Variants in LAMA1 observed in about 807,000 individuals in gnomAD.
LAMA1 encodes laminin subunit alpha 1, also known as laminin subunit alpha-1.
LAMA1 carries 219 observed loss-of-function variants against 348.7 expected under a neutral mutation model. The ratio of observed to expected loss-of-function variants is 0.63; its 90% CI spans 0.56 to 0.70. LAMA1 has a LOEUF of 0.70. Ranked by LOEUF, LAMA1 falls within the 30% of genes least tolerant of loss-of-function variation. The pLI is 0.00. For missense variants in LAMA1, 3,744 were observed against 3,888.0 expected (o/e 0.96, Z 0.99); for synonymous variants, 1,487 against 1,491.0 (o/e 1.00, Z 0.06).
chr18:7,053,307 C>T (rs1321116509), intron 3 of LAMA1, among the ~76,000 whole-genome samples: 7 of 152,084 alleles, frequency 4.6e-5, no homozygotes, highest in Non-Finnish European at 8.8e-5. Context: ...ATGTACAACA[C>T]CAAGAGGGAA....
chr18:7,034,819 T>C (rs1039395764), intron 13 of LAMA1, 129 bp from the exon 14 acceptor site: 1 of 747,300 alleles, frequency 1.3e-6, no homozygotes, highest in Non-Finnish European at 2.2e-6. Flanking sequence ...AAACGTGTAA[T>C]GGTGTGTACA....
At chr18:6,945,503 C>T (rs933666227) in intron 61 of LAMA1, among the ~76,000 whole-genome samples, 23 of 152,260 alleles carry the variant, frequency 1.5e-4, no homozygotes, top group African/African-American at 5.5e-4. Flanking sequence ...TTTTCCTTGC[C>T]TTCCAAGAGG....
At chr18:6,983,277 C>CA (rs1238645235) in intron 39 of LAMA1, 43 bp from the exon 40 acceptor site, 1 of 1,609,496 alleles carries the variant, frequency 6.2e-7, no homozygotes, top group South Asian at 1.1e-5. Flanking sequence ...TAAACTAAAT[C>CA]AAACTTGCCA....
Position 6,950,944 on chromosome 18 carries a change from C to T in LAMA1, c.8235G>A (p.Thr2745=), listed in dbSNP as rs139987349. Residue 2745 remains threonine (T), a synonymous_variant, in exon 58 of 63, where the codon ACG becomes ACA. Coordinates refer to ENST00000389658, the MANE Select transcript of LAMA1 (RefSeq NM_005559.4). ...AGTAAATCAGGCCGCTGGAGGCGAA[C>T]GTGCGGATGCTTAGCTCAACCGAGA... ...KKLSVELSIR[T]FASSGLIYYM... is the part of the protein sequence containing the mutation. 61 of 1,613,912 alleles carry T rather than the reference C, an allele frequency of 3.8e-5. No individual in the cohort carries two copies. The highest frequency in any genetic ancestry group is 3.6e-4 in the African/African-American group (27 of 74,938).
intron 7 of LAMA1, 145 bp downstream of exon 7, chr18:7,044,577 T>G (rs774303109): frequency 3.1e-5 from 24 of 765,866 alleles, no homozygotes; most frequent in Non-Finnish European, 5.2e-5. Flanking sequence ...TAGTTAAAAT[T>G]TTAAGGTCAT....
At position 6,947,266 on chromosome 18, in the gene LAMA1, A is replaced by T. The variant is rs2143967303; in HGVS notation, c.8741T>A (p.Val2914Glu). 6.2e-7 allele frequency: 1 copy of T among 1,614,014 alleles called. No homozygotes were observed. Among genetic ancestry groups the T allele is most frequent in the Non-Finnish European group, 8.5e-7 (1 of 1,180,030 alleles). Residue 2914 changes from valine to glutamate, a missense_variant, in exon 61 of 63, where the codon GTG (valine) becomes GAG (glutamate). By Grantham distance (121) the Val-to-Glu change is moderately radical (BLOSUM62 -2). Around this residue, in one of 3 missense-constraint regions of LAMA1, gnomAD observed 232 missense variants for 264.4 expected, o/e 0.88. Coordinates refer to ENST00000389658, the MANE Select transcript of LAMA1 (RefSeq NM_005559.4). ...GGTTCGAAACTCCAGTGTGATGTTCACATCTGACTGGACTTTGTAGCCCTC... is the reference window on the plus strand; with the variant it reads ...GGTTCGAAACTCCAGTGTGATGTTCTCATCTGACTGGACTTTGTAGCCCTC... ...VKEGYKVQSD[V>E]NITLEFRTSS... is the part of the protein sequence containing the mutation.
intron 1 of LAMA1, among the ~76,000 whole-genome samples, chr18:7,106,351 AC>A (rs1327671254): frequency 5.4e-5 from 8 of 148,540 alleles, no homozygotes; most frequent in South Asian, 4.2e-4. Flanking sequence ...CAGTGGAATC[AC>A]CTGGGAAGCA....
intron 3 of LAMA1, among the ~76,000 whole-genome samples, chr18:7,067,887 CTT>C (rs1270491913): frequency 2.7e-5 from 4 of 150,360 alleles, no homozygotes; most frequent in East Asian, 2.0e-4. Context: ...GCGTTTTGCT[CTT>C]GTTGCCCCGG....
intron 5 of LAMA1, among the ~76,000 whole-genome samples, chr18:7,048,666 C>T (rs568863886): frequency 2.6e-5 from 4 of 152,258 alleles, no homozygotes; most frequent in African/African-American, 7.2e-5. Context: ...AAAATTTTTG[C>T]GACACCAGTC....
At position 6,986,287 on chromosome 18, in the gene LAMA1, C is replaced by T. The variant is rs1400177160; in HGVS notation, c.5229G>A (p.Leu1743=). The change falls in exon 37 of 63, where the codon TTG becomes TTA. Residue 1743 remains leucine (L), a synonymous_variant. Transcript: ENST00000389658. ...GGCTTGCTGCTTCTTTCAATACCTC[C>T]AATTCTTCCAGCGGCTTCTGGTAAT... ...QENYQKPLEE[L]EVLKEAASHV... The T allele has an allele frequency of 2.5e-6, 4 of 1,614,076 alleles. No individual in the cohort carries two copies. The highest frequency in any genetic ancestry group is 4.5e-5 in the East Asian group (2 of 44,892).
At chr18:6,970,044 C>T (rs192880260) in intron 48 of LAMA1, among the ~76,000 whole-genome samples, 1 of 151,960 alleles carries the variant, frequency 6.6e-6, no homozygotes, top group Non-Finnish European at 1.5e-5. Context: ...GATCTGGGGT[C>T]AGTGGAGGGG....
At chr18:7,009,213 G>A in intron 27 of LAMA1, 26 bp downstream of exon 27, 2 of 1,613,808 alleles carry the variant, frequency 1.2e-6, no homozygotes, top group Non-Finnish European at 8.5e-7. Context: ...GAAAATAACG[G>A]TCAAAATTCT....
At chr18:6,956,006 G>C (rs2057575342) in intron 56 of LAMA1, 2 of 305,954 alleles carry the variant, frequency 6.5e-6, no homozygotes, top group South Asian at 6.2e-5. Context: ...TGTCCTAAGA[G>C]TGCCCAAGTC....
chr18:6,995,433 T>C lies in LAMA1; in HGVS notation c.4820A>G (p.Lys1607Arg). 1 of 1,599,678 alleles carries C rather than the reference T, an allele frequency of 6.3e-7. No homozygotes were observed. The highest frequency in any genetic ancestry group is 2.2e-5 in the East Asian group (1 of 44,804). Reference protein sequence around the residue: ...TTKYLQESLLKENMQKDLGKI... With the variant: ...TTKYLQESLLRENMQKDLGKI... ...TCCCAGGTCCTTTTGCATATTTTCT[T>C]TTAATAAAGATTCCTAGGAAGAATG... is the stretch of plus-strand genomic sequence containing the variant. Residue 1607 changes from lysine to arginine, a missense_variant, in exon 34 of 63, where the codon AAA (lysine) becomes AGA (arginine). Around this residue, in one of 3 missense-constraint regions of LAMA1, gnomAD observed 1,983 missense variants for 1,934.3 expected, o/e 1.03. Coordinates refer to ENST00000389658, the MANE Select transcript of LAMA1 (RefSeq NM_005559.4).
intron 1 of LAMA1, among the ~76,000 whole-genome samples, chr18:7,089,766 C>T (rs1255045569): frequency 2.0e-5 from 3 of 152,186 alleles, no homozygotes; most frequent in East Asian, 1.9e-4. Context: ...TCCGTGAATG[C>T]TGAGGGCTGT....
intron 1 of LAMA1, among the ~76,000 whole-genome samples, chr18:7,115,699 G>A (rs566062124): frequency 6.6e-6 from 1 of 151,172 alleles, no homozygotes; most frequent in Non-Finnish European, 1.5e-5. Flanking sequence ...GGCCGGGCGC[G>A]GCGGCTCACG....
intron 12 of LAMA1, among the ~76,000 whole-genome samples, chr18:7,036,786 A>C (rs986485934): frequency 2.0e-5 from 3 of 152,238 alleles, no homozygotes; most frequent in Non-Finnish European, 4.4e-5. Flanking sequence ...TGAAAATATC[A>C]TCAAATTAAA....
intron 59 of LAMA1, 51 bp from the exon 60 acceptor site, chr18:6,948,607 G>C (rs764804940): frequency 6.2e-7 from 1 of 1,603,488 alleles, no homozygotes. Context: ...AATGGGAAGG[G>C]TTTGGACACA....
In LAMA1 at chr18:6,975,960, A is replaced by C. The variant is rs755315284; in HGVS notation, c.6466T>G (p.Phe2156Val). The C allele has an allele frequency of 1.2e-6, 2 of 1,614,196 alleles. No homozygotes were observed. The highest frequency in any genetic ancestry group is 1.7e-6 in the Non-Finnish European group (2 of 1,180,040). ...VKTQEPDNLL[F>V]YLGSSTASDF... ...ACAGCGGTGCTGCTACCGAGGTAGAAGAGAAGATTATCGGGTTCCTGTGTC... is the reference window on the plus strand; with the variant it reads ...ACAGCGGTGCTGCTACCGAGGTAGACGAGAAGATTATCGGGTTCCTGTGTC... Residue 2156 changes from phenylalanine (F) to valine (V), a missense_variant, in exon 45 of 63, where the codon TTC (phenylalanine) becomes GTC (valine). This residue lies in a region of LAMA1 where 1,983 missense variants were observed against 1,934.3 expected (regional missense o/e 1.03). Coordinates refer to ENST00000389658, the MANE Select transcript of LAMA1 (RefSeq NM_005559.4).
Sources: gnomAD v4.1 joint callset for allele counts (sites outside exome capture counted in the v4.1 genomes callset) on GRCh38, gnomAD v4.1.1 for gene constraint, gnomAD v4.1.1 regional missense constraint, MANE v1.5 for transcripts, NCBI Gene and HGNC (gene_info 2026-07-23, HGNC 2026-07-21) for gene names.